DOCK4: variants seen among roughly 807,000 people sequenced by gnomAD.
DOCK4 encodes the protein dedicator of cytokinesis 4.
DOCK4 carries 97 observed loss-of-function variants against 268.1 expected under a neutral mutation model. The ratio of observed to expected loss-of-function variants is 0.36; its 90% CI spans 0.31 to 0.43. The LOEUF is 0.43. Ranked by LOEUF, DOCK4 falls within the 20% of genes least tolerant of loss-of-function variation. The probability of loss-of-function intolerance (pLI) is 1.00; values close to 1 mark genes in which losing one functional copy is unlikely to be tolerated. For missense variants in DOCK4, 2,145 were observed against 2,455.7 expected, an observed-to-expected ratio of 0.87 and a Z score of 2.67; for synonymous variants, 954 against 887.2, an observed-to-expected ratio of 1.08 and a Z score of -1.34.
At chr7:111,825,778 AT>A (rs371821973) in intron 26 of DOCK4, among the ~76,000 whole-genome samples, 1 of 152,158 alleles carries the variant, frequency 6.6e-6, no homozygotes, top group Admixed American at 6.6e-5. Context: ...TTATAGAAGT[AT>A]TTTTTCTGCA....
intron 11 of DOCK4, among the ~76,000 whole-genome samples, chr7:111,938,304 C>T (rs1217521240): frequency 1.3e-5 from 2 of 152,110 alleles, no homozygotes; most frequent in Admixed American, 1.3e-4. Flanking sequence ...TCCATGAAAC[C>T]CTGCAGCAGA....
At chr7:111,786,364 G>T (rs1036849653) in intron 32 of DOCK4, among the ~76,000 whole-genome samples, 1 of 152,044 alleles carries the variant, frequency 6.6e-6, no homozygotes, top group African/African-American at 2.4e-5. Flanking sequence ...CGGAATGAGC[G>T]AATCAGGTGG....
chr7:111,886,549 G>A (rs529311273), intron 16 of DOCK4, among the ~76,000 whole-genome samples: 2 of 152,232 alleles, frequency 1.3e-5, no homozygotes, highest in African/African-American at 4.8e-5. Context: ...TTGATCTGAG[G>A]TCAAAGGACT....
At chr7:111,870,323 C>CTTTTTTTTTTTTT (rs796444724) in intron 20 of DOCK4, among the ~76,000 whole-genome samples, 1 of 131,358 alleles carries the variant, frequency 7.6e-6, no homozygotes, top group African/African-American at 2.9e-5. Flanking sequence ...TTTTTCTTTT[C>CTTTTTTTTTTTTT]TTTTTTTTTT....
chr7:112,004,417 C>T lies in DOCK4; in HGVS notation c.38-286G>A, dbSNP rs1800688945. 1.3e-5 allele frequency among the ~76,000 whole-genome samples: 2 copies of T among 152,094 alleles called. 1 individual carries two copies. Among genetic ancestry groups the T allele is most frequent in the South Asian group, 4.2e-4 (2 of 4,816 alleles). ...ATAATAGATATAAACAAAGGTATTGCCTGAGAGCTCCTTAAAGGACTGTGA... is the reference window on the plus strand; with the variant it reads ...ATAATAGATATAAACAAAGGTATTGTCTGAGAGCTCCTTAAAGGACTGTGA... On this transcript the variant is annotated intron_variant, in intron 1 of 52. Transcript: ENST00000428084.
chr7:112,136,479 C>G (rs529219521), intron 1 of DOCK4, among the ~76,000 whole-genome samples: 1 of 152,192 alleles, frequency 6.6e-6, no homozygotes, highest in South Asian at 2.1e-4. Context: ...ATAATTCACT[C>G]GCTCCCTCAC....
intron 1 of DOCK4, among the ~76,000 whole-genome samples, chr7:112,130,954 A>G (rs1168620765): frequency 6.6e-6 from 1 of 152,176 alleles, no homozygotes; most frequent in Non-Finnish European, 1.5e-5. Flanking sequence ...AAATAAATCC[A>G]TTTGACTTCC....
chr7:111,834,694 A>C lies in DOCK4; in HGVS notation c.2737-8T>G. ...ACAAGCAACAAACTCCCCCTAAGTT[A>C]AAAAAAAAAAAAGCATACATTTTAT... On this transcript the variant is annotated splice_region_variant and splice_polypyrimidine_tract_variant and intron_variant, in intron 25 of 52. Transcript: ENST00000428084. 5.0e-6 allele frequency: 1 copy of C among 201,620 alleles called. No individual in the cohort carries two copies. Among genetic ancestry groups the C allele is most frequent in the Non-Finnish European group, 8.5e-6 (1 of 118,072 alleles). 12.5% of individuals were successfully genotyped at this position (201,620 alleles called of 1,614,324 possible). A position where few individuals can be genotyped will look rare whatever the true frequency, so the allele number is the denominator to read the frequency against.
intron 1 of DOCK4, among the ~76,000 whole-genome samples, chr7:112,190,699 G>GT (rs1819879316): frequency 6.6e-6 from 1 of 152,048 alleles, no homozygotes; most frequent in Non-Finnish European, 1.5e-5. Flanking sequence ...TAAAGATTTT[G>GT]TTTTTTACAA....
chr7:111,887,587 TA>T (rs1231677059), intron 16 of DOCK4, among the ~76,000 whole-genome samples: 1 of 152,052 alleles, frequency 6.6e-6, no homozygotes, highest in Non-Finnish European at 1.5e-5. Flanking sequence ...GAAAGGTTTT[TA>T]AAATGTCTAG....
chr7:111,808,777 C>G, intron 30 of DOCK4, 44 bp downstream of exon 30: 1 of 1,589,682 alleles, frequency 6.3e-7, no homozygotes, highest in Non-Finnish European at 8.6e-7. Context: ...CAAGGTACAG[C>G]GAGGAGCTGT....
chr7:111,870,821 G>A (rs1371105294), intron 20 of DOCK4, among the ~76,000 whole-genome samples: 2 of 152,084 alleles, frequency 1.3e-5, no homozygotes, highest in African/African-American at 2.4e-5. Context: ...CTGGCCAACC[G>A]GAAGTGTGAG....
At position 112,095,957 on chromosome 7, in the gene DOCK4, G is replaced by GCA. The variant is rs1810088779; in HGVS notation, c.38-91828_38-91827dup. 9.3e-5 allele frequency among the ~76,000 whole-genome samples: 14 copies of GCA among 150,684 alleles called. No homozygotes were observed. In the South Asian group the frequency reaches 3.0e-3, roughly 32 times the overall value. ...TACTAAAAATTAGCCAGGCATGGTG[G>GCA]CACATGCCTGTAATCCCAGCTACTC... On this transcript the variant is annotated intron_variant, in intron 1 of 52. Coordinates refer to ENST00000428084, the MANE Select transcript of DOCK4 (RefSeq NM_001363540.2).
intron 1 of DOCK4, among the ~76,000 whole-genome samples, chr7:112,134,992 T>C (rs561297424): frequency 2.0e-5 from 3 of 150,814 alleles, no homozygotes; most frequent in Non-Finnish European, 4.4e-5. Flanking sequence ...AAAACATATA[T>C]GTGTGTGTGT....
chr7:111,728,696 A>T lies in DOCK4; in HGVS notation c.5506T>A (p.Ser1836Thr), dbSNP rs1563415139. The T allele has an allele frequency of 1.1e-5, 17 of 1,612,902 alleles. No homozygotes were observed. The highest frequency in any genetic ancestry group is 2.7e-5 in the African/African-American group (2 of 74,896). The change falls in exon 53 of 53, where the codon TCT becomes ACT. Residue 1836 changes from serine to threonine, a missense_variant. Ser to Thr is a moderately conservative substitution (Grantham distance 58). Coordinates refer to ENST00000428084, the MANE Select transcript of DOCK4 (RefSeq NM_001363540.2). Reference sequence around the variant, plus strand: ...CCTGGCGAGTGGTACTCCACTGGAGAGGGGGTGAAAGACTGCACAGAGCCC... The same window carrying T: ...CCTGGCGAGTGGTACTCCACTGGAGTGGGGGTGAAAGACTGCACAGAGCCC... Reference protein sequence around the residue: ...LKGSVQSFTPSPVEYHSPGLI... With the variant: ...LKGSVQSFTPTPVEYHSPGLI...
intron 1 of DOCK4, among the ~76,000 whole-genome samples, chr7:112,025,667 G>A (rs1002232146): frequency 6.6e-6 from 1 of 152,090 alleles, no homozygotes; most frequent in Admixed American, 6.5e-5. Flanking sequence ...GAAATAAAGT[G>A]CTAACCCTCT....
chr7:111,836,434 A>G (rs572218970), intron 25 of DOCK4, among the ~76,000 whole-genome samples: 28 of 152,300 alleles, frequency 1.8e-4, no homozygotes, highest in African/African-American at 6.5e-4. Flanking sequence ...GAAATTAAAA[A>G]AATCCACCTG....
At chr7:111,901,332 CAAAA>C (rs398047987) in intron 14 of DOCK4, among the ~76,000 whole-genome samples, 13 of 75,232 alleles carry the variant, frequency 1.7e-4, no homozygotes, top group African/African-American at 5.8e-4. Context: ...GATTCTGTCT[CAAAA>C]AAAAAAAAAA....
chr7:112,037,976 T>A (rs1172469611), intron 1 of DOCK4, among the ~76,000 whole-genome samples: 1 of 152,218 alleles, frequency 6.6e-6, no homozygotes. Flanking sequence ...CCTAATTTTT[T>A]ATGATAAAAT....
Sources: allele counts gnomAD v4.1 joint callset (sites outside exome capture counted in the v4.1 genomes callset), GRCh38; gene constraint gnomAD v4.1.1; transcripts MANE v1.5; gene names NCBI Gene and HGNC (gene_info 2026-07-23, HGNC 2026-07-21).